The following ROBO2 variants were observed in gnomAD, a reference collection of about 807,000 sequenced individuals.
ROBO2 encodes the protein roundabout guidance receptor 2.
In ROBO2, 53 loss-of-function variants were observed where a neutral mutation model predicts 160.8. The ratio of observed to expected loss-of-function variants is 0.33; its 90% CI spans 0.26 to 0.41. The LOEUF is 0.41. ROBO2 is among the 10% of genes least tolerant of loss of function. The probability of loss-of-function intolerance (pLI) is 1.00; values close to 1 mark genes in which losing one functional copy is unlikely to be tolerated. For synonymous variants in ROBO2, 664 were observed against 611.7 expected (o/e 1.09, Z -1.26); for missense variants, 1,577 against 1,722.4 (o/e 0.92, Z 1.49).
At chr3:76,699,862 G>A (rs960736209) in intron 2 of ROBO2, among the ~76,000 whole-genome samples, 1 of 152,038 alleles carries the variant, frequency 6.6e-6, no homozygotes, top group Admixed American at 6.6e-5. Flanking sequence ...TTGAAGATGT[G>A]CTGAGAGCTG....
chr3:76,483,124 A>G (rs2079297489), intron 2 of ROBO2, among the ~76,000 whole-genome samples: 1 of 152,074 alleles, frequency 6.6e-6, no homozygotes, highest in African/African-American at 2.4e-5. Context: ...AATTTACAAA[A>G]CTAAACTAAT....
At chr3:76,806,112 A>G (rs2064684155) in intron 2 of ROBO2, among the ~76,000 whole-genome samples, 1 of 151,630 alleles carries the variant, frequency 6.6e-6, no homozygotes, top group African/African-American at 2.4e-5. Context: ...GACTGTCTAC[A>G]GTTCCCATTA....
chr3:77,588,870 A>G, exon 17 of ROBO2: 1 of 1,613,518 alleles, frequency 6.2e-7, no homozygotes, highest in African/African-American at 1.3e-5. Flanking sequence ...GGTAATTCTG[A>G]TGGGTTTTAG....
intron 2 of ROBO2, among the ~76,000 whole-genome samples, chr3:76,935,031 C>T (rs1035685171): frequency 3.3e-5 from 5 of 149,710 alleles, no homozygotes; most frequent in African/African-American, 1.2e-4. Context: ...CTGCTCACTG[C>T]AGTCTTGACT....
At chr3:77,287,385 AC>A (rs1193339201) in intron 2 of ROBO2, among the ~76,000 whole-genome samples, 1 of 151,850 alleles carries the variant, frequency 6.6e-6, no homozygotes, top group South Asian at 2.1e-4. Context: ...GAAACTTATA[AC>A]CCCCTATTCT....
At chr3:77,605,089 T>C (rs530675722) in intron 20 of ROBO2, among the ~76,000 whole-genome samples, 3 of 150,958 alleles carry the variant, frequency 2.0e-5, no homozygotes, top group East Asian at 2.0e-4. Context: ...TGCTTGAGCC[T>C]GAGAAGTTGA....
intron 2 of ROBO2, among the ~76,000 whole-genome samples, chr3:76,714,124 C>T (rs2093343525): frequency 6.6e-6 from 1 of 152,060 alleles, no homozygotes; most frequent in African/African-American, 2.4e-5. Context: ...TAGTATGAAA[C>T]AATGGTCTTG....
chr3:77,289,639 C>T (rs1466618680), intron 2 of ROBO2, among the ~76,000 whole-genome samples: 1 of 151,120 alleles, frequency 6.6e-6, no homozygotes, highest in Admixed American at 6.6e-5. Flanking sequence ...GAGGCTAGAT[C>T]ACCAAAGACA....
At chr3:76,307,013 A>C (rs1576339462) in intron 2 of ROBO2, among the ~76,000 whole-genome samples, 2 of 152,164 alleles carry the variant, frequency 1.3e-5, no homozygotes, top group African/African-American at 4.8e-5. Context: ...CTACCATTGA[A>C]GATAAAGCCT....
intron 2 of ROBO2, among the ~76,000 whole-genome samples, chr3:76,815,933 C>A (rs2109055248): frequency 6.6e-6 from 1 of 152,216 alleles, no homozygotes; most frequent in Admixed American, 6.6e-5. Context: ...ACAGCAAAGA[C>A]ACATTAGGGG....
intron 2 of ROBO2, among the ~76,000 whole-genome samples, chr3:76,860,338 C>A (rs2070623268): frequency 6.6e-6 from 1 of 152,136 alleles, no homozygotes; most frequent in Admixed American, 6.5e-5. Flanking sequence ...TTTCGTAGGG[C>A]ATTTTACAAA....
chr3:76,582,713 G>T (rs749483565), intron 2 of ROBO2, among the ~76,000 whole-genome samples: 17 of 152,120 alleles, frequency 1.1e-4, no homozygotes, highest in East Asian at 1.9e-4. Flanking sequence ...TATAATAATA[G>T]TGTTGGTGGT....
At chr3:77,048,923 CATTT>C (rs936030448) in intron 1 of ROBO2, among the ~76,000 whole-genome samples, 20 of 152,268 alleles carry the variant, frequency 1.3e-4, no homozygotes, top group African/African-American at 4.8e-4. Context: ...AAAATGGTTT[CATTT>C]GACTGTGTAA....
chr3:76,860,040 T>A (rs995556514), intron 2 of ROBO2, among the ~76,000 whole-genome samples: 2 of 152,238 alleles, frequency 1.3e-5, no homozygotes, highest in African/African-American at 4.8e-5. Context: ...GTGTCATTAT[T>A]TGTGTTATAA....
At chr3:77,254,962 A>G (rs2090770670) in intron 2 of ROBO2, among the ~76,000 whole-genome samples, 1 of 152,192 alleles carries the variant, frequency 6.6e-6, no homozygotes, top group Non-Finnish European at 1.5e-5. Flanking sequence ...AGGTTCCTCT[A>G]TCTGTCTTTT....
At position 77,503,523 on chromosome 3, in the gene ROBO2, C is replaced by CTAAATAAATAAA. The variant is rs567091666; in HGVS notation, c.806+10170_806+10181dup. ...TGGGCCACAGAGAGAGAGTCCGTCTCTAAATAAATAAATAAATAAATAAAT... is the reference window on the plus strand; with the variant it reads ...TGGGCCACAGAGAGAGAGTCCGTCTCTAAATAAATAAATAAATAAATAAATAAATAAATAAAT... On this transcript the variant is annotated intron_variant, in intron 5 of 25. Transcript: ENST00000461745. 2.3e-3 allele frequency among the ~76,000 whole-genome samples: 329 copies of CTAAATAAATAAA among 144,558 alleles called. 2 individuals carry two copies. The highest frequency in any genetic ancestry group is 9.9e-3 in the Admixed American group (143 of 14,412). The allele number at this position is 144,558 out of a possible 152,430, so 94.8% of individuals were successfully genotyped here. A position where few individuals can be genotyped will look rare whatever the true frequency, so the allele number is the denominator to read the frequency against.
chr3:76,633,182 T>A (rs1192671775), intron 2 of ROBO2, among the ~76,000 whole-genome samples: 2 of 152,210 alleles, frequency 1.3e-5, no homozygotes, highest in Non-Finnish European at 1.5e-5. Flanking sequence ...ATAGTATTTA[T>A]TATATCAAAA....
At chr3:77,027,640 A>G (rs528827790) in intron 2 of ROBO2, among the ~76,000 whole-genome samples, 3 of 152,290 alleles carry the variant, frequency 2.0e-5, no homozygotes, top group African/African-American at 7.2e-5. Flanking sequence ...TACTTTATTG[A>G]ACTACAGTAG....
At chr3:77,501,724 C>A (rs1159600493) in intron 5 of ROBO2, among the ~76,000 whole-genome samples, 1 of 151,358 alleles carries the variant, frequency 6.6e-6, no homozygotes, top group Non-Finnish European at 1.5e-5. Context: ...AAAAAAGAAA[C>A]CAGAAAATTG....
Sources: gnomAD v4.1 joint callset for allele counts (sites outside exome capture counted in the v4.1 genomes callset) on GRCh38, gnomAD v4.1.1 for gene constraint, MANE v1.5 for transcripts, NCBI Gene and HGNC (gene_info 2026-07-23, HGNC 2026-07-21) for gene names.